Variants in LAMA5 observed in about 807,000 individuals in gnomAD.
The protein encoded by LAMA5 is laminin subunit alpha 5.
Under a neutral mutation model 433.4 loss-of-function variants are expected in LAMA5, and 260 were observed. The ratio of observed to expected loss-of-function variants is 0.60; its 90% confidence interval spans 0.54 to 0.66. The LOEUF is 0.66. LAMA5 is among the 30% of genes least tolerant of loss of function. The pLI, the probability that LAMA5 is intolerant of heterozygous loss-of-function variation, is 0.00. For synonymous variants in LAMA5, 2,620 were observed against 2,226.6 expected, an observed-to-expected ratio of 1.18 and a Z score of -4.97; for missense variants, 5,378 against 5,258.5, an observed-to-expected ratio of 1.02 and a Z score of -0.70.
Position 62,310,768 on chromosome 20 carries a change from C to T in LAMA5, c.10343G>A (p.Ser3448Asn), listed in dbSNP as rs1202942354. 1.9e-6 allele frequency: 3 copies of T among 1,561,426 alleles called. No homozygotes were observed. Among genetic ancestry groups the T allele is most frequent in the Non-Finnish European group, 2.6e-6 (3 of 1,154,956 alleles). The change falls in exon 75 of 80, where the codon AGC (serine) becomes AAC (asparagine). Residue 3448 changes from serine to asparagine, a missense_variant. Coordinates refer to ENST00000252999, the MANE Select transcript of LAMA5 (RefSeq NM_005560.6). ...GTGCTGCCGGTGCGGCCCCTCCTGG[C>T]TCCAGGCCCGGGCCCCGTCCGTCAC... Reference protein sequence around the residue: ...LLVTDGARAWSQEGPHRQHQG... With the variant: ...LLVTDGARAWNQEGPHRQHQG...
Position 62,324,286 on chromosome 20 carries a change from T to TCAGA in LAMA5, c.5644-86_5644-83dup. Reference sequence around the variant, plus strand: ...CTGTGCAGCTCCCACCACCCCTGCCTCAGACTCTGTGCCCAAGGCCAGATG... The same window carrying TCAGA: ...CTGTGCAGCTCCCACCACCCCTGCCTCAGACAGACTCTGTGCCCAAGGCCAGATG... On this transcript the variant is annotated intron_variant, in intron 42 of 79. Transcript: ENST00000252999. This position sits in a 1 kb window ranked among gnomAD's most constrained non-coding sequence, Gnocchi z 4.4. The TCAGA allele has an allele frequency of 6.5e-7, 1 of 1,532,794 alleles. No homozygotes were observed. The highest frequency in any genetic ancestry group is 1.4e-5 in the African/African-American group (1 of 72,384). 94.9% of individuals were successfully genotyped at this position (1,532,794 alleles called of 1,614,324 possible).
At position 62,322,344 on chromosome 20, in the gene LAMA5, G is replaced by A. The variant is rs752194440; in HGVS notation, c.6271C>T (p.Arg2091Ter). ...CHPQSGQCHC[R>*]PGTMGPQCRE... ...CACTGGGGTCCCATGGTCCCTGGTC[G>A]GCAGTGGCACTGTCCGCTCTGGGGG... Residue 2091 changes from arginine (R) to a stop codon, truncating the protein, a stop_gained, in exon 47 of 80, where the codon CGA becomes TGA. Coordinates refer to ENST00000252999, the MANE Select transcript of LAMA5 (RefSeq NM_005560.6). LOFTEE classifies it high-confidence loss of function. 8.8e-6 allele frequency: 14 copies of A among 1,596,170 alleles called. No individual in the cohort carries two copies. Among genetic ancestry groups the A allele is most frequent in the East Asian group, 4.5e-5 (2 of 43,976 alleles).
Position 62,318,526 on chromosome 20 carries a change from G to A in LAMA5, c.7167C>T (p.Asn2389=). 1 of 1,609,754 alleles carries A rather than the reference G, an allele frequency of 6.2e-7. No individual in the cohort carries two copies. The highest frequency in any genetic ancestry group is 8.5e-7 in the Non-Finnish European group (1 of 1,179,042). ...CCTCCCGTGTGGCGTCCACTGCCCGGTTCAAAGCCTCTCGCAGGTCCATGA... is the reference window on the plus strand; with the variant it reads ...CCTCCCGTGTGGCGTCCACTGCCCGATTCAAAGCCTCTCGCAGGTCCATGA... ...AGLMDLREAL[N]RAVDATREAQ... is the part of the protein sequence containing the mutation. The change falls in exon 53 of 80, where the codon AAC becomes AAT. Residue 2389 remains asparagine, a synonymous_variant. Coordinates refer to ENST00000252999, the MANE Select transcript of LAMA5 (RefSeq NM_005560.6).
intron 2 of LAMA5, among the ~76,000 whole-genome samples, chr20:62,358,000 G>A (rs1347914841): frequency 6.6e-6 from 1 of 152,256 alleles, no homozygotes; most frequent in Admixed American, 6.5e-5. Context: ...AACCCAAACA[G>A]TTTCGTCTTC....
chr20:62,314,415 G>C lies in LAMA5; in HGVS notation c.8393C>G (p.Ser2798Cys), dbSNP rs760593816. Residue 2798 changes from serine to cysteine, a missense_variant, in exon 62 of 80, where the codon TCT becomes TGT. Ser to Cys is a moderately radical substitution (Grantham distance 112). Transcript: ENST00000252999. ...RQATGDYMGV[S>C]LRDKKVHWVY... ...CCAGTGCACCTTCTTGTCACGCAGA[G>C]ACACACCCATGTAGTCCCCAGTGGC... 8.1e-6 allele frequency: 13 copies of C among 1,613,362 alleles called. No individual in the cohort carries two copies. Among genetic ancestry groups the C allele is most frequent in the Middle Eastern group, 1.6e-4 (1 of 6,080 alleles).
intron 6 of LAMA5, among the ~76,000 whole-genome samples, chr20:62,350,617 G>A (rs535145366): frequency 9.9e-5 from 15 of 152,160 alleles, no homozygotes; most frequent in African/African-American, 3.6e-4. Context: ...TGGGCTGCTC[G>A]GTTGCAGGCA....
In LAMA5 at chr20:62,318,858, C is replaced by A; in HGVS notation, c.7027G>T (p.Ala2343Ser). ...CACCACTCACATCTCTGTGCTGCAG[C>A]CAACTCAGCCTCAGCTGCTGCCTGC... is the stretch of plus-strand genomic sequence containing the variant. ...APQAAAEAEL[A>S]AAQRLLARVQ... The change falls in exon 52 of 80, where the codon GCT becomes TCT. Residue 2343 changes from alanine (A) to serine (S), a missense_variant. Physicochemically the swap from Ala to Ser is moderately conservative, Grantham distance 99. Coordinates refer to ENST00000252999, the MANE Select transcript of LAMA5 (RefSeq NM_005560.6). 2 of 1,610,180 alleles carry A rather than the reference C, an allele frequency of 1.2e-6. No individual in the cohort carries two copies. The highest frequency in any genetic ancestry group is 2.2e-5 in the South Asian group (2 of 90,984).
At chr20:62,313,046 T>C (rs147629106) in intron 65 of LAMA5, 36 bp from the exon 66 acceptor site, 31,395 of 1,598,666 alleles carry the variant, frequency 0.02, 369 homozygotes, top group Non-Finnish European at 0.023. Flanking sequence ...TGGGGCAGGG[T>C]CAGTGCAAGT....
intron 35 of LAMA5, 65 bp from the exon 36 acceptor site, chr20:62,328,075 T>A: frequency 6.3e-7 from 1 of 1,595,950 alleles, no homozygotes. Flanking sequence ...TGAGACCTCG[T>A]AGGCACCCCC....
In LAMA5 at chr20:62,359,120, T is replaced by C. The variant is rs191801879; in HGVS notation, c.450+3280A>G. ...AAGCCGCTACCCCACCTGTAGCACC[T>C]GCAGCGTGGCCTGCTCTACAGAGAA... On this transcript the variant is annotated intron_variant, in intron 2 of 79. Coordinates refer to ENST00000252999, the MANE Select transcript of LAMA5 (RefSeq NM_005560.6). The surrounding 1 kb of genome is among the most constrained non-coding windows in gnomAD (Gnocchi z 4.3). Among the ~76,000 whole-genome samples the C allele has an allele frequency of 1.6e-3, 236 of 152,222 alleles. 2 individuals carry two copies. Among genetic ancestry groups the C allele is most frequent in the African/African-American group, 5.6e-3 (232 of 41,536 alleles).
At chr20:62,320,927 G>T in intron 48 of LAMA5, 37 bp from the exon 49 acceptor site, 2 of 1,587,340 alleles carry the variant, frequency 1.3e-6, no homozygotes, top group South Asian at 2.3e-5. Flanking sequence ...AGTGTCATTG[G>T]GTCAGGCCAG....
At position 62,316,874 on chromosome 20, in the gene LAMA5, G is replaced by A. The variant is rs369703755; in HGVS notation, c.7653+8C>T. 4.6e-6 allele frequency: 7 copies of A among 1,529,782 alleles called. No individual in the cohort carries two copies. The highest frequency in any genetic ancestry group is 2.7e-5 in the African/African-American group (2 of 73,364). The allele number at this position is 1,529,782 out of a possible 1,614,324, so 94.8% of individuals were successfully genotyped here. On this transcript the variant is annotated splice_region_variant and intron_variant, in intron 56 of 79. Coordinates refer to ENST00000252999, the MANE Select transcript of LAMA5 (RefSeq NM_005560.6). ...CTGCTGGGGCTGAGGGGAAGTGAGG[G>A]GCCTCACCGCCCACGTGTGGTCCGC...
Position 62,316,063 on chromosome 20 carries a change from G to A in LAMA5, c.7757-5C>T, listed in dbSNP as rs776621136. ...CACCCTGGAGGGCAGCCCACACTGCGGGGGAGGCAGCTTCAGCTCCCAGGC... is the reference window on the plus strand; with the variant it reads ...CACCCTGGAGGGCAGCCCACACTGCAGGGGAGGCAGCTTCAGCTCCCAGGC... On this transcript the variant is annotated splice_polypyrimidine_tract_variant and splice_region_variant and intron_variant, in intron 57 of 79. Transcript: ENST00000252999. The A allele has an allele frequency of 4.5e-5, 72 of 1,598,192 alleles. No individual in the cohort carries two copies. Among genetic ancestry groups the A allele is most frequent in the Middle Eastern group, 3.3e-4 (2 of 6,052 alleles).
Position 62,346,126 on chromosome 20 carries a change from A to G in LAMA5, c.1372T>C (p.Cys458Arg), listed in dbSNP as rs368288174. 15 of 1,612,990 alleles carry G rather than the reference A, an allele frequency of 9.3e-6. No individual in the cohort carries two copies. In the East Asian group the frequency reaches 1.8e-4, roughly 19 times the overall value. ...YCRPNFSGER[C>R]DVCAEGFTGF... ...GTGAAGCCCTCGGCACACACGTCAC[A>G]CCGCTCCCCAGAGAAGTTGGGCCGG... is the stretch of plus-strand genomic sequence containing the variant. The change falls in exon 10 of 80, where the codon TGT becomes CGT. Residue 458 changes from cysteine (C) to arginine (R), a missense_variant. Cys to Arg is a radical substitution (Grantham distance 180). Coordinates refer to ENST00000252999, the MANE Select transcript of LAMA5 (RefSeq NM_005560.6).
chr20:62,351,942 C>A lies in LAMA5; in HGVS notation c.825G>T (p.Gly275=), dbSNP rs1327678955. 1 of 1,611,314 alleles carries A rather than the reference C, an allele frequency of 6.2e-7. No individual in the cohort carries two copies. The highest frequency in any genetic ancestry group is 8.5e-7 in the Non-Finnish European group (1 of 1,179,464). ...TGACCGTGGGGTCCCGCAGCGCCTT[C>A]CCCATGAGATGGCCCAGCAGCGTGT... ...RTNTLLGHLM[G]KALRDPTVTR... Residue 275 remains glycine, a synonymous_variant, in exon 5 of 80, where the codon GGG becomes GGT. Coordinates refer to ENST00000252999, the MANE Select transcript of LAMA5 (RefSeq NM_005560.6).
At chr20:62,343,502 G>A (rs921156582) in intron 11 of LAMA5, among the ~76,000 whole-genome samples, 13 of 152,274 alleles carry the variant, frequency 8.5e-5, no homozygotes, top group East Asian at 3.9e-4. Flanking sequence ...CAGGCTGGGC[G>A]CAGAGGCTTA....
intron 28 of LAMA5, 110 bp downstream of exon 28, chr20:62,332,262 G>A (rs897807565): frequency 3.9e-6 from 3 of 760,946 alleles, no homozygotes. Context: ...ATGAGCGAGT[G>A]TGGCCGCCTT....
rs866054211 is a variant in LAMA5, at chr20:62,318,981, C to T, written c.6904G>A (p.Ala2302Thr). Residue 2302 changes from alanine (A) to threonine (T), a missense_variant, in exon 52 of 80, where the codon GCC becomes ACC. Transcript: ENST00000252999. ...TCACCTGATGGAGCCGAGGCATTGG[C>T]CAGCCCCAGGTGGCCCGTCTGGGAC... is the stretch of plus-strand genomic sequence containing the variant. Reference protein sequence around the residue: ...LMSQTGHLGLANASAPSGEQL... With the variant: ...LMSQTGHLGLTNASAPSGEQL... 1 of 1,592,344 alleles carries T rather than the reference C, an allele frequency of 6.3e-7. No individual in the cohort carries two copies. Among genetic ancestry groups the T allele is most frequent in the Non-Finnish European group, 8.5e-7 (1 of 1,171,674 alleles).
At position 62,324,029 on chromosome 20, in the gene LAMA5, G is replaced by A. The variant is rs1302198005; in HGVS notation, c.5768+51C>T. ...GTGGGAACCCACCCCGCTGCTGGGTGAAGGGAGCCTGGCACCATCAGGGCC... is the reference window on the plus strand; with the variant it reads ...GTGGGAACCCACCCCGCTGCTGGGTAAAGGGAGCCTGGCACCATCAGGGCC... On this transcript the variant is annotated intron_variant, in intron 43 of 79. Transcript: ENST00000252999. This position sits in a 1 kb window ranked among gnomAD's most constrained non-coding sequence, Gnocchi z 4.4. 1.4e-6 allele frequency: 2 copies of A among 1,466,630 alleles called. No homozygotes were observed. Among genetic ancestry groups the A allele is most frequent in the African/African-American group, 1.4e-5 (1 of 70,572 alleles). The allele number at this position is 1,466,630 out of a possible 1,614,324, so 90.9% of individuals were successfully genotyped here.
Sources: allele counts gnomAD v4.1 joint callset (sites outside exome capture counted in the v4.1 genomes callset), GRCh38; gene constraint gnomAD v4.1.1; non-coding constraint Gnocchi (gnomAD v3.1); transcripts MANE v1.5; gene names NCBI Gene and HGNC (gene_info 2026-07-23, HGNC 2026-07-21).